The following PIK3R1 variants were observed in gnomAD, a reference collection of about 807,000 sequenced individuals.
PIK3R1 encodes the protein phosphoinositide-3-kinase regulatory subunit 1.
Under a neutral mutation model 98.0 loss-of-function variants are expected in PIK3R1, and 29 were observed. That is an observed-to-expected ratio of 0.30 (90% CI 0.22 to 0.40). PIK3R1 has a LOEUF of 0.40. Ranked by LOEUF, PIK3R1 falls within the 10% of genes least tolerant of loss-of-function variation. The pLI, the probability that PIK3R1 is intolerant of heterozygous loss-of-function variation, is 1.00. For missense variants in PIK3R1, 596 were observed against 872.7 expected, an observed-to-expected ratio of 0.68 and a Z score of 3.99; for synonymous variants, 282 against 311.8, an observed-to-expected ratio of 0.90 and a Z score of 1.01.
intron 2 of PIK3R1, among the ~76,000 whole-genome samples, chr5:68,265,761 G>A (rs1018438114): frequency 6.6e-6 from 1 of 152,146 alleles, no homozygotes; most frequent in African/African-American, 2.4e-5. Flanking sequence ...TAAAAAAAAT[G>A]TGCTGGCAGA....
intron 7 of PIK3R1, among the ~76,000 whole-genome samples, chr5:68,290,342 C>T (rs1426600795): frequency 2.0e-5 from 3 of 152,200 alleles, no homozygotes; most frequent in African/African-American, 4.8e-5. Flanking sequence ...GAGAAAAGCT[C>T]GGAGCTGCAG....
intron 2 of PIK3R1, among the ~76,000 whole-genome samples, chr5:68,236,385 G>A (rs1279531738): frequency 2.0e-5 from 3 of 152,032 alleles, no homozygotes; most frequent in African/African-American, 7.2e-5. Context: ...GAGTAGCTGG[G>A]ACTACAGGCA....
At position 68,289,801 on chromosome 5, in the gene PIK3R1, T is replaced by C. The variant is rs114867191; in HGVS notation, c.917-2458T>C. ...AAAAAAAAAAAGTGATTACATCATC[T>C]TCCCGTTCAAGCAGTATTAGTAGCG... On this transcript the variant is annotated intron_variant, in intron 7 of 15. Coordinates refer to ENST00000521381, the MANE Select transcript of PIK3R1 (RefSeq NM_181523.3). Among the ~76,000 whole-genome samples, 1,198 of 138,444 alleles carry C rather than the reference T, an allele frequency of 8.7e-3. 21 individuals are homozygous for C. The highest frequency in any genetic ancestry group is 0.031 in the African/African-American group (1,158 of 37,398). 90.8% of individuals were successfully genotyped at this position (138,444 alleles called of 152,430 possible). A position where few individuals can be genotyped will look rare whatever the true frequency, so the allele number is the denominator to read the frequency against.
At chr5:68,279,177 A>C (rs1170704885) in intron 4 of PIK3R1, among the ~76,000 whole-genome samples, 1 of 152,106 alleles carries the variant, frequency 6.6e-6, no homozygotes, top group Non-Finnish European at 1.5e-5. Flanking sequence ...TAATGGCCTC[A>C]TTTTAACTTA....
rs73768883 is a variant in PIK3R1 at position 68,226,870 on chromosome 5, A to G, written c.195A>G (p.Glu65=). ...ATGGCTATAATGAAACCACAGGGGAAAGGGGGGACTTTCCGGGAACTTACG... is the reference window on the plus strand; with the variant it reads ...ATGGCTATAATGAAACCACAGGGGAGAGGGGGGACTTTCCGGGAACTTACG... ...WLNGYNETTG[E]RGDFPGTYVE... The change falls in exon 2 of 16, where the codon GAA becomes GAG. Residue 65 remains glutamate, a synonymous_variant. Transcript: ENST00000521381. 1.1e-3 allele frequency: 1,701 copies of G among 1,614,138 alleles called. 10 individuals are homozygous for G. The African/African-American group carries it at 0.017, about 16-fold the overall frequency.
intron 2 of PIK3R1, among the ~76,000 whole-genome samples, chr5:68,238,391 A>G (rs1297420425): frequency 6.6e-6 from 1 of 152,168 alleles, no homozygotes; most frequent in Non-Finnish European, 1.5e-5. Flanking sequence ...CATACTGGAG[A>G]TTTGAAAGAA....
At chr5:68,278,826 C>G (rs980209750) in intron 4 of PIK3R1, among the ~76,000 whole-genome samples, 6 of 151,970 alleles carry the variant, frequency 3.9e-5, no homozygotes, top group Admixed American at 6.6e-5. Context: ...TGTAATCCCA[C>G]CTACTCAGGA....
At chr5:68,272,157 G>C (rs10940161) in intron 2 of PIK3R1, among the ~76,000 whole-genome samples, 43,344 of 151,076 alleles carry the variant, frequency 0.29, 6,690 homozygotes, top group African/African-American at 0.41. Context: ...GGAGGCTGGG[G>C]GGGGAGGATC....
At chr5:68,256,333 C>A (rs1290892748) in intron 2 of PIK3R1, among the ~76,000 whole-genome samples, 1 of 152,192 alleles carries the variant, frequency 6.6e-6, no homozygotes, top group Non-Finnish European at 1.5e-5. Flanking sequence ...AGGTTCACAC[C>A]ATTCTCCTGC....
Position 68,226,900 on chromosome 5 carries a change from A to C in PIK3R1, c.225A>C (p.Glu75Asp). The C allele has an allele frequency of 6.2e-7, 1 of 1,614,120 alleles. No individual in the cohort carries two copies. The highest frequency in any genetic ancestry group is 1.3e-5 in the African/African-American group (1 of 75,012). The change falls in exon 2 of 16, where the codon GAA becomes GAC. Residue 75 changes from glutamate to aspartate, a missense_variant. Coordinates refer to ENST00000521381, the MANE Select transcript of PIK3R1 (RefSeq NM_181523.3). ...ERGDFPGTYV[E>D]YIGRKKISPP... Reference sequence around the variant, plus strand: ...GGGACTTTCCGGGAACTTACGTAGAATATATTGGAAGGAAAAAAATCTCGC... The same window carrying C: ...GGGACTTTCCGGGAACTTACGTAGACTATATTGGAAGGAAAAAAATCTCGC...
At chr5:68,282,704 G>T (rs560380076) in intron 7 of PIK3R1, among the ~76,000 whole-genome samples, 1 of 152,140 alleles carries the variant, frequency 6.6e-6, no homozygotes, top group Non-Finnish European at 1.5e-5. Flanking sequence ...TATGTCAAAG[G>T]ACCCTACATT....
In PIK3R1 at chr5:68,262,553, A is replaced by ATACATGTATACACATGTACC. The variant is rs1310626638; in HGVS notation, c.335-10818_335-10799dup. ...AGCTATATAGATACATATCTAATGT[A>ATACATGTATACACATGTACC]TACATGTATACACATGTACCTACAT... On this transcript the variant is annotated intron_variant, in intron 2 of 15. Transcript: ENST00000521381. Among the ~76,000 whole-genome samples, 76 of 145,646 alleles carry ATACATGTATACACATGTACC rather than the reference A, an allele frequency of 5.2e-4. 6 individuals carry two copies. Among genetic ancestry groups the ATACATGTATACACATGTACC allele is most frequent in the African/African-American group, 1.8e-3 (71 of 39,366 alleles).
chr5:68,267,651 C>CAA (rs886767027), intron 2 of PIK3R1, among the ~76,000 whole-genome samples: 1 of 144,668 alleles, frequency 6.9e-6, no homozygotes, highest in Non-Finnish European at 1.5e-5. Flanking sequence ...CTTCTTCCTC[C>CAA]AAAAAAAAAA....
chr5:68,238,739 T>C (rs1159616814), intron 2 of PIK3R1, among the ~76,000 whole-genome samples: 1 of 151,960 alleles, frequency 6.6e-6, no homozygotes, highest in Admixed American at 6.6e-5. Context: ...AACAGGAGAA[T>C]TACAAGTGTT....
intron 2 of PIK3R1, among the ~76,000 whole-genome samples, chr5:68,258,600 C>T (rs1283431535): frequency 6.6e-6 from 1 of 152,168 alleles, no homozygotes; most frequent in Non-Finnish European, 1.5e-5. Context: ...ACTTAATAGC[C>T]GAACCATACC....
intron 4 of PIK3R1, among the ~76,000 whole-genome samples, chr5:68,275,889 G>A (rs1207210027): frequency 6.6e-6 from 1 of 152,134 alleles, no homozygotes; most frequent in Non-Finnish European, 1.5e-5. Context: ...GAAAAGGACA[G>A]ACATGGCAGA....
chr5:68,257,128 C>A (rs940253564), intron 2 of PIK3R1, among the ~76,000 whole-genome samples: 2 of 152,212 alleles, frequency 1.3e-5, no homozygotes, highest in African/African-American at 4.8e-5. Context: ...ACCCTAAAAT[C>A]TTACTGCTTT....
intron 2 of PIK3R1, among the ~76,000 whole-genome samples, chr5:68,232,493 C>T (rs1030310918): frequency 6.6e-6 from 1 of 152,126 alleles, no homozygotes; most frequent in African/African-American, 2.4e-5. Context: ...GGCTCTCTTA[C>T]CCAGAGGGGA....
At chr5:68,268,074 C>G (rs1020958892) in intron 2 of PIK3R1, among the ~76,000 whole-genome samples, 3 of 151,874 alleles carry the variant, frequency 2.0e-5, no homozygotes, top group African/African-American at 7.3e-5. Context: ...GGGCACGATG[C>G]CTGTCATGTT....
Sources: gnomAD v4.1 joint callset for allele counts (sites outside exome capture counted in the v4.1 genomes callset) on GRCh38, gnomAD v4.1.1 for gene constraint, MANE v1.5 for transcripts, NCBI Gene and HGNC (gene_info 2026-07-23, HGNC 2026-07-21) for gene names.